The following ALDH1L1 variants were observed in gnomAD, a reference collection of about 807,000 sequenced individuals.
The protein encoded by ALDH1L1 is cytosolic 10-formyltetrahydrofolate dehydrogenase.
ALDH1L1 carries 68 observed loss-of-function variants against 101.1 expected under a neutral mutation model. The ratio of observed to expected loss-of-function variants is 0.67; its 90% CI spans 0.55 to 0.82. The LOEUF (loss-of-function observed/expected upper bound fraction) is 0.82. ALDH1L1 is among the 40% of genes least tolerant of loss of function. ALDH1L1 has a pLI of 0.00. For synonymous variants in ALDH1L1, 486 were observed against 470.8 expected, an observed-to-expected ratio of 1.03 and a Z score of -0.42; for missense variants, 1,087 against 1,172.7, an observed-to-expected ratio of 0.93 and a Z score of 1.07.
At chr3:126,113,766 G>T (rs541756218) in intron 18 of ALDH1L1, among the ~76,000 whole-genome samples, 1 of 152,342 alleles carries the variant, frequency 6.6e-6, no homozygotes, top group South Asian at 2.1e-4. Flanking sequence ...GCTGAACATG[G>T]TCTTACTGGT....
chr3:126,159,311 C>T (rs1232730611), intron 2 of ALDH1L1: 1 of 405,928 alleles, frequency 2.5e-6, no homozygotes, highest in Non-Finnish European at 4.9e-6. Flanking sequence ...ACACCCTCCT[C>T]ACAGGTCTGG....
chr3:126,111,852 C>A (rs1007492547), intron 19 of ALDH1L1, among the ~76,000 whole-genome samples: 1 of 152,164 alleles, frequency 6.6e-6, no homozygotes, highest in South Asian at 2.1e-4. Flanking sequence ...GTGCTCTTCG[C>A]GGAAGCTAAG....
chr3:126,112,800 A>G lies in ALDH1L1; in HGVS notation c.2163T>C (p.Asp721=). Residue 721 remains aspartate (D), a synonymous_variant, in exon 19 of 23, where the codon GAT becomes GAC. Coordinates refer to ENST00000393434, the MANE Select transcript of ALDH1L1 (RefSeq NM_012190.4). The stretch of plus-strand genomic sequence containing the variant: ...GACTTACCACTCTCCGCACGAACTC[A>G]TCATGAATGGAGTCCTCCACAAAGA... The part of the protein sequence containing the change: ...GRLFVEDSIH[D]EFVRRVVEEV... The G allele has an allele frequency of 1.2e-6, 2 of 1,613,396 alleles. No individual in the cohort carries two copies. The highest frequency in any genetic ancestry group is 8.5e-7 in the Non-Finnish European group (1 of 1,179,936).
At chr3:126,131,360 A>T in intron 13 of ALDH1L1, 24 bp downstream of exon 13, 2 of 1,573,182 alleles carry the variant, frequency 1.3e-6, no homozygotes, top group Non-Finnish European at 1.7e-6. Flanking sequence ...ATGTGCTCAC[A>T]CTGGGTGGGA....
chr3:126,110,153 G>T (rs1035031009), intron 19 of ALDH1L1, 44 bp from the exon 20 acceptor site: 2 of 1,606,556 alleles, frequency 1.2e-6, no homozygotes, highest in African/African-American at 1.3e-5. Flanking sequence ...TGCTGCCACA[G>T]TTTCTGACAA....
At chr3:126,184,155 T>C (rs1270407445), upstream of ALDH1L1, among the ~76,000 whole-genome samples, 1 of 152,180 alleles carries the variant, frequency 6.6e-6, no homozygotes, top group African/African-American at 2.4e-5. Context: ...GGTCAGACAG[T>C]GGCAGAAGCC....
At chr3:126,159,396 T>G (rs898193917) in intron 2 of ALDH1L1, 1 of 456,340 alleles carries the variant, frequency 2.2e-6, no homozygotes, top group Non-Finnish European at 4.4e-6. Flanking sequence ...GGCAGCTGCT[T>G]CCTGCAGTCG....
chr3:126,135,296 C>A, intron 12 of ALDH1L1: 1 of 410,108 alleles, frequency 2.4e-6, no homozygotes, highest in Non-Finnish European at 4.2e-6. Context: ...CACCAGGCAC[C>A]TCCCCTGAGC....
chr3:126,126,873 AG>A (rs2080197688), intron 14 of ALDH1L1, among the ~76,000 whole-genome samples: 1 of 152,194 alleles, frequency 6.6e-6, no homozygotes, highest in Admixed American at 6.5e-5. Flanking sequence ...CTAATTTAGG[AG>A]GAATGCTGTC....
chr3:126,141,875 G>A (rs957405525), intron 9 of ALDH1L1, among the ~76,000 whole-genome samples: 4 of 151,342 alleles, frequency 2.6e-5, no homozygotes, highest in African/African-American at 4.8e-5. Flanking sequence ...ATGAAATAGA[G>A]ACCAGAAAAA....
chr3:126,153,587 A>AT lies in ALDH1L1; in HGVS notation c.721-7_721-6insA, dbSNP rs771950981. On this transcript the variant is annotated splice_region_variant and splice_polypyrimidine_tract_variant and intron_variant, in intron 6 of 22. Transcript: ENST00000393434. ...GAGTTGAAAAATGTCAGTTTCTGTC[A>AT]AGGGGAGAAATATCAGAAGATGGTG... The AT allele has an allele frequency of 1.2e-6, 2 of 1,610,122 alleles. No homozygotes were observed. Among genetic ancestry groups the AT allele is most frequent in the Non-Finnish European group, 1.7e-6 (2 of 1,177,222 alleles).
Position 126,118,166 on chromosome 3 carries a change from C to T in ALDH1L1, c.1889-68G>A, listed in dbSNP as rs1440529904. The T allele has an allele frequency of 3.2e-6, 4 of 1,232,208 alleles. No homozygotes were observed. In the African/African-American group the frequency reaches 4.5e-5, roughly 14 times the overall value. 76.3% of individuals were successfully genotyped at this position (1,232,208 alleles called of 1,614,324 possible). On this transcript the variant is annotated intron_variant, in intron 16 of 22. Transcript: ENST00000393434. The stretch of plus-strand genomic sequence containing the variant: ...TGCTGGGGAGGCAGGAGCCCACCTC[C>T]AGGACTGCACAGGTTCACTGGGGGT...
At chr3:126,156,267 G>A (rs1366551766) in intron 4 of ALDH1L1, 1 of 152,198 alleles carries the variant, frequency 6.6e-6, no homozygotes, top group Non-Finnish European at 1.5e-5. Flanking sequence ...GAGTATTTGA[G>A]TTGCTTGCCG....
At chr3:126,128,519 G>A (rs1282246839) in intron 14 of ALDH1L1, 2 of 152,272 alleles carry the variant, frequency 1.3e-5, no homozygotes. Flanking sequence ...CATTCCCACT[G>A]AGGCGAGGTC....
intron 7 of ALDH1L1, chr3:126,152,621 TC>T (rs2080827891): frequency 6.5e-6 from 1 of 154,766 alleles, no homozygotes; most frequent in African/African-American, 2.4e-5. Context: ...ATGGGGTTTG[TC>T]CGGACCCTGT....
At chr3:126,103,966 G>C in intron 22 of ALDH1L1, 120 bp from the exon 23 acceptor site, 1 of 1,150,278 alleles carries the variant, frequency 8.7e-7, no homozygotes, top group Non-Finnish European at 1.3e-6. Context: ...CCACTTCCAG[G>C]TGAGAAGTCG....
intron 9 of ALDH1L1, among the ~76,000 whole-genome samples, chr3:126,139,778 C>T (rs1319531318): frequency 1.3e-5 from 2 of 151,862 alleles, no homozygotes; most frequent in Non-Finnish European, 1.5e-5. Context: ...CTGAAACAAA[C>T]AAAAAACTCA....
intron 1 of ALDH1L1, 91 bp from the exon 2 acceptor site, chr3:126,161,093 G>T: frequency 5.5e-6 from 8 of 1,453,552 alleles, no homozygotes; most frequent in Non-Finnish European, 7.4e-6. Context: ...ATGGCACCTG[G>T]CCTGCTCTAC....
chr3:126,142,062 T>C (rs1180261831), intron 9 of ALDH1L1, among the ~76,000 whole-genome samples: 1 of 150,606 alleles, frequency 6.6e-6, no homozygotes. Context: ...AGAAAATACA[T>C]GATAAATTAT....
Sources: gnomAD v4.1 joint callset for allele counts (sites outside exome capture counted in the v4.1 genomes callset) on GRCh38, gnomAD v4.1.1 for gene constraint, MANE v1.5 for transcripts, NCBI Gene and HGNC (gene_info 2026-07-23, HGNC 2026-07-21) for gene names.